Variants in FCHO1 observed in about 807,000 individuals in gnomAD.
FCHO1 encodes the protein FCH and mu domain containing endocytic adaptor 1.
A neutral mutation model predicts 114.4 loss-of-function variants in FCHO1; 45 were observed. That is an observed-to-expected ratio of 0.39 (90% CI 0.31 to 0.50). FCHO1 has a LOEUF of 0.50. Among genes scored for constraint, FCHO1 ranks in the 20% least tolerant of loss-of-function variants. The pLI is 0.77. For synonymous variants in FCHO1, 480 were observed against 488.9 expected, an observed-to-expected ratio of 0.98 and a Z score of 0.24; for missense variants, 1,042 against 1,209.6, an observed-to-expected ratio of 0.86 and a Z score of 2.06.
chr19:17,781,727 C>A lies in FCHO1; in HGVS notation c.1844C>A (p.Pro615Gln). ...SQTGHGVSRGPSPVVLGSQDA... is the reference protein window; with the variant it reads ...SQTGHGVSRGQSPVVLGSQDA... Reference sequence around the variant, plus strand: ...CCACCCCCAGGAGTCTCCCGGGGTCCGAGCCCTGTGGTCCTGGGCTCCCAG... The same window carrying A: ...CCACCCCCAGGAGTCTCCCGGGGTCAGAGCCCTGTGGTCCTGGGCTCCCAG... Residue 615 changes from proline (P) to glutamine (Q), a missense_variant, in exon 23 of 29, where the codon CCG becomes CAG. By Grantham distance (76) the Pro-to-Gln change is moderately conservative. Transcript: ENST00000596536. The A allele has an allele frequency of 6.2e-7, 1 of 1,606,932 alleles. No individual in the cohort carries two copies. The highest frequency in any genetic ancestry group is 8.5e-7 in the Non-Finnish European group (1 of 1,176,502).
At position 17,776,813 on chromosome 19, in the gene FCHO1, G is replaced by C. The variant is rs757269178; in HGVS notation, c.1259+127G>C. 34 of 913,888 alleles carry C rather than the reference G, an allele frequency of 3.7e-5. No homozygotes were observed. Among genetic ancestry groups the C allele is most frequent in the Non-Finnish European group, 5.5e-5 (33 of 602,102 alleles). The allele number at this position is 913,888 out of a possible 1,614,324, so 56.6% of individuals were successfully genotyped here. A position where few individuals can be genotyped will look rare whatever the true frequency, so the allele number is the denominator to read the frequency against. On this transcript the variant is annotated intron_variant, in intron 18 of 28. Transcript: ENST00000596536. The surrounding 1 kb of genome is among the most constrained non-coding windows in gnomAD (Gnocchi z 4.4). ...GTCATGCTGGGGTTTTTTTGTTTTT[G>C]TTTTTGTTTTGAGACAGAGTCTCAC...
chr19:17,780,901 C>T (rs2093341530), intron 20 of FCHO1, among the ~76,000 whole-genome samples: 1 of 152,314 alleles, frequency 6.6e-6, no homozygotes, highest in Non-Finnish European at 1.5e-5. Flanking sequence ...GTAGAGGTCA[C>T]AAAATGGCTG....
chr19:17,770,634 GATC>G, intron 8 of FCHO1, 57 bp downstream of exon 8: 2 of 1,586,556 alleles, frequency 1.3e-6, no homozygotes, highest in East Asian at 2.3e-5. Context: ...GGGGCTGCCT[GATC>G]AGAGAGTGGA....
intron 5 of FCHO1, 144 bp from the exon 6 acceptor site, chr19:17,764,231 G>T (rs1439661748): frequency 9.8e-6 from 7 of 716,298 alleles, no homozygotes; most frequent in African/African-American, 1.8e-5. Context: ...AGTAGAGACA[G>T]GGTTTCACCA....
At chr19:17,785,929 C>A (rs1365612469) in intron 26 of FCHO1, among the ~76,000 whole-genome samples, 1 of 151,086 alleles carries the variant, frequency 6.6e-6, no homozygotes, top group Non-Finnish European at 1.5e-5. Flanking sequence ...GGAGTTGAGG[C>A]TTCAAGGAGT....
chr19:17,761,821 T>C (rs1398252105), intron 4 of FCHO1, among the ~76,000 whole-genome samples: 3 of 150,840 alleles, frequency 2.0e-5, no homozygotes, highest in Non-Finnish European at 4.4e-5. Context: ...CCACCATGCC[T>C]GGCTAATTTT....
chr19:17,774,362 C>T (rs1448994523), intron 12 of FCHO1, 32 bp from the exon 13 acceptor site: 2 of 1,613,054 alleles, frequency 1.2e-6, no homozygotes, highest in Non-Finnish European at 8.5e-7. Context: ...AGGAGGCTCA[C>T]AGTGCTCAGG....
chr19:17,760,575 A>G (rs1304943090), intron 4 of FCHO1, among the ~76,000 whole-genome samples: 2 of 152,216 alleles, frequency 1.3e-5, no homozygotes, highest in East Asian at 1.9e-4. Context: ...AATGCTAACT[A>G]TTAATAACTA....
In FCHO1 at chr19:17,781,497, A is replaced by G. The variant is rs375606252; in HGVS notation, c.1786A>G (p.Thr596Ala). Residue 596 changes from threonine (T) to alanine (A), a missense_variant, in exon 22 of 29, where the codon ACT becomes GCT. By Grantham distance (58) the Thr-to-Ala change is moderately conservative. Transcript: ENST00000596536. Reference protein sequence around the residue: ...PSPLGSSAASTALERPSFLSQ... With the variant: ...PSPLGSSAASAALERPSFLSQ... The stretch of plus-strand genomic sequence containing the variant: ...CCCACTGGGCTCTTCAGCCGCCAGC[A>G]CTGCCTTGGAACGGCCCAGCTTCTT... 6.2e-6 allele frequency: 10 copies of G among 1,613,734 alleles called. No homozygotes were observed. Among genetic ancestry groups the G allele is most frequent in the Non-Finnish European group, 8.5e-6 (10 of 1,179,970 alleles).
intron 6 of FCHO1, among the ~76,000 whole-genome samples, chr19:17,764,840 C>T (rs2088123294): frequency 6.6e-6 from 1 of 151,134 alleles, no homozygotes. Context: ...CTGAAGTGGG[C>T]GGATCACCGG....
chr19:17,772,065 C>T (rs1292859906), intron 9 of FCHO1, among the ~76,000 whole-genome samples: 6 of 152,196 alleles, frequency 3.9e-5, no homozygotes, highest in African/African-American at 1.4e-4. Flanking sequence ...CCTGCCTTGG[C>T]CTCCCAAAGT....
At chr19:17,766,920 A>T in intron 7 of FCHO1, 110 bp downstream of exon 7, 2 of 1,133,724 alleles carry the variant, frequency 1.8e-6, no homozygotes, top group Non-Finnish European at 2.5e-6. Context: ...GCCTCCGAGA[A>T]TTCCGTTAAT....
In FCHO1 at chr19:17,781,357, C is replaced by A. The variant is rs75572373; in HGVS notation, c.1740+14C>A. ...AATGGGGACCTGGTAGGTGAGGGGG[C>A]GTGGCAGGAGCTGGACTGGGGGTCG... On this transcript the variant is annotated intron_variant, in intron 21 of 28. Transcript: ENST00000596536. 1.5e-3 allele frequency: 2,484 copies of A among 1,609,994 alleles called. 32 individuals are homozygous for A. In the African/African-American group the frequency reaches 0.03, roughly 19 times the overall value.
rs1308779757 is a variant in FCHO1, at chr19:17,784,709, T to C, written c.2227-16T>C. ...GGCCCAAGCTGTGTCCTCTCTCTCATTCTCATTCTTCCTAGTTCTCCCGCC... is the reference window on the plus strand; with the variant it reads ...GGCCCAAGCTGTGTCCTCTCTCTCACTCTCATTCTTCCTAGTTCTCCCGCC... On this transcript the variant is annotated splice_polypyrimidine_tract_variant and intron_variant, in intron 25 of 28. Transcript: ENST00000596536. This position sits in a 1 kb window ranked among gnomAD's most constrained non-coding sequence, Gnocchi z 5.3. 3 of 1,612,962 alleles carry C rather than the reference T, an allele frequency of 1.9e-6. No homozygotes were observed. Among genetic ancestry groups the C allele is most frequent in the Non-Finnish European group, 2.5e-6 (3 of 1,179,396 alleles).
chr19:17,780,419 C>T (rs950093759), intron 20 of FCHO1, among the ~76,000 whole-genome samples: 2 of 152,146 alleles, frequency 1.3e-5, no homozygotes, highest in African/African-American at 4.8e-5. Context: ...CTGCCTCGGC[C>T]TCCCAAAGTG....
chr19:17,773,721 CT>C (rs1355596489), intron 11 of FCHO1, among the ~76,000 whole-genome samples: 1 of 152,160 alleles, frequency 6.6e-6, no homozygotes, highest in Admixed American at 6.6e-5. Flanking sequence ...TGGCACTGCC[CT>C]GCTGGAACCA....
chr19:17,783,828 G>A (rs534677833), intron 24 of FCHO1, among the ~76,000 whole-genome samples: 24 of 152,122 alleles, frequency 1.6e-4, no homozygotes, highest in African/African-American at 5.1e-4. Context: ...TGATCCACCC[G>A]TCTCAGCCTC....
intron 28 of FCHO1, among the ~76,000 whole-genome samples, chr19:17,788,078 TC>T (rs2094070053): frequency 6.6e-6 from 1 of 151,474 alleles, no homozygotes; most frequent in Non-Finnish European, 1.5e-5. Context: ...GAGCCCGAAG[TC>T]CCCCCTGCCA....
upstream of FCHO1, among the ~76,000 whole-genome samples, chr19:17,748,076 C>T (rs1369414530): frequency 6.6e-6 from 1 of 152,150 alleles, no homozygotes; most frequent in African/African-American, 2.4e-5. Context: ...GGGGCGGCGA[C>T]GACGCGAGAC....
Sources: gnomAD v4.1 joint callset for allele counts (sites outside exome capture counted in the v4.1 genomes callset) on GRCh38, gnomAD v4.1.1 for gene constraint, Gnocchi (gnomAD v3.1) non-coding constraint, MANE v1.5 for transcripts, NCBI Gene and HGNC (gene_info 2026-07-23, HGNC 2026-07-21) for gene names.